The following RNF220 variants were observed in gnomAD, a reference collection of about 807,000 sequenced individuals.
RNF220 encodes E3 ubiquitin-protein ligase RNF220.
A neutral mutation model predicts 67.1 loss-of-function variants in RNF220; 7 were observed. The ratio of observed to expected loss-of-function variants is 0.10; its 90% confidence interval spans 0.06 to 0.20. RNF220 has a LOEUF of 0.20. Among genes scored for constraint, RNF220 ranks in the 10% least tolerant of loss-of-function variants. The pLI is 1.00. For synonymous variants in RNF220, 270 were observed against 283.2 expected, an observed-to-expected ratio of 0.95 and a Z score of 0.47; for missense variants, 565 against 740.3, an observed-to-expected ratio of 0.76 and a Z score of 2.75.
intron 2 of RNF220, among the ~76,000 whole-genome samples, chr1:44,488,639 T>A (rs1656560477): frequency 6.6e-6 from 1 of 152,100 alleles, no homozygotes; most frequent in South Asian, 2.1e-4. Context: ...TAGTAAGAAA[T>A]ATGTTTTACA....
At chr1:44,596,874 C>T (rs1208708108) in intron 2 of RNF220, among the ~76,000 whole-genome samples, 1 of 152,238 alleles carries the variant, frequency 6.6e-6, no homozygotes, top group Non-Finnish European at 1.5e-5. Context: ...TGATTGCCCA[C>T]CAGTGTTTGC....
Position 44,645,655 on chromosome 1 carries a change from G to T in RNF220, c.1445+167G>T, listed in dbSNP as rs1379604420. Among the ~76,000 whole-genome samples the T allele has an allele frequency of 6.6e-6, 1 of 152,212 alleles. No individual in the cohort carries two copies. Among genetic ancestry groups the T allele is most frequent in the Non-Finnish European group, 1.5e-5 (1 of 68,040 alleles). ...GTGGAGCCCAGCTGGTGCTAAGCGT[G>T]ACTCTGTGAATTGATCACTGGGCCA... On this transcript the variant is annotated intron_variant, in intron 12 of 14. Coordinates refer to ENST00000361799, the MANE Select transcript of RNF220 (RefSeq NM_018150.4). The surrounding 1 kb of genome is among the most constrained non-coding windows in gnomAD (Gnocchi z 5.0).
In RNF220 at chr1:44,632,509, C is replaced by T. The variant is rs949441295; in HGVS notation, c.949+124C>T. 1.8e-5 allele frequency: 17 copies of T among 952,190 alleles called. No homozygotes were observed. In the African/African-American group the frequency reaches 2.6e-4, roughly 15 times the overall value. 59.0% of individuals were successfully genotyped at this position (952,190 alleles called of 1,614,324 possible). On this transcript the variant is annotated intron_variant, in intron 6 of 14. Coordinates refer to ENST00000361799, the MANE Select transcript of RNF220 (RefSeq NM_018150.4). Reference sequence around the variant, plus strand: ...TGGGGCCCGTTGGCTTCTTCGCAGTCACGGCGCCTGAGTATGTGCAAACCA... The same window carrying T: ...TGGGGCCCGTTGGCTTCTTCGCAGTTACGGCGCCTGAGTATGTGCAAACCA...
intron 2 of RNF220, among the ~76,000 whole-genome samples, chr1:44,551,385 G>C (rs1662620199): frequency 6.7e-6 from 1 of 148,954 alleles, no homozygotes; most frequent in Non-Finnish European, 1.5e-5. Context: ...AAAGTGCTGG[G>C]ATTACAGGCG....
chr1:44,578,699 T>C (rs969744377), intron 2 of RNF220, among the ~76,000 whole-genome samples: 1 of 152,144 alleles, frequency 6.6e-6, no homozygotes, highest in Non-Finnish European at 1.5e-5. Flanking sequence ...ACAACTCTAA[T>C]CACTCCCACA....
intron 2 of RNF220, among the ~76,000 whole-genome samples, chr1:44,613,624 C>G (rs1557438250): frequency 6.6e-6 from 1 of 152,226 alleles, no homozygotes; most frequent in Non-Finnish European, 1.5e-5. Context: ...GCGCAGTAAT[C>G]CCAGCACTTT....
chr1:44,628,309 TGTCA>T (rs149763850), intron 5 of RNF220, among the ~76,000 whole-genome samples: 2,872 of 152,316 alleles, frequency 0.019, 86 homozygotes, highest in African/African-American at 0.066. Flanking sequence ...TCCCCACAAA[TGTCA>T]GTATTTCTTT....
At chr1:44,544,117 G>A (rs1661918113) in intron 2 of RNF220, among the ~76,000 whole-genome samples, 2 of 152,198 alleles carry the variant, frequency 1.3e-5, no homozygotes, top group Admixed American at 6.5e-5. Flanking sequence ...GAGGTCGGGA[G>A]GACCACAGGA....
chr1:44,556,419 T>C (rs1663084305), intron 2 of RNF220, among the ~76,000 whole-genome samples: 1 of 150,722 alleles, frequency 6.6e-6, no homozygotes, highest in African/African-American at 2.5e-5. Context: ...AGTCAATTAA[T>C]GATGACCTGA....
intron 2 of RNF220, among the ~76,000 whole-genome samples, chr1:44,414,554 T>C (rs1648329902): frequency 6.6e-6 from 1 of 152,184 alleles, no homozygotes; most frequent in Non-Finnish European, 1.5e-5. Flanking sequence ...CATTCCCCTC[T>C]GAGTGTCAAA....
At chr1:44,580,945 G>T (rs186076422) in intron 2 of RNF220, among the ~76,000 whole-genome samples, 3 of 152,194 alleles carry the variant, frequency 2.0e-5, no homozygotes, top group Non-Finnish European at 2.9e-5. Flanking sequence ...CCTTGATTTT[G>T]AATAGAGCTT....
intron 2 of RNF220, among the ~76,000 whole-genome samples, chr1:44,460,656 T>C (rs756235727): frequency 3.9e-5 from 6 of 152,202 alleles, no homozygotes; most frequent in Non-Finnish European, 8.8e-5. Context: ...CACTTCTTAC[T>C]TCAGGATCCT....
At chr1:44,509,098 T>A (rs1252524001) in intron 2 of RNF220, among the ~76,000 whole-genome samples, 2 of 152,206 alleles carry the variant, frequency 1.3e-5, no homozygotes, top group Admixed American at 1.3e-4. Flanking sequence ...TTTTGCGTTT[T>A]CCTTTAGCTA....
chr1:44,564,608 A>T (rs1663838639), intron 2 of RNF220, among the ~76,000 whole-genome samples: 1 of 152,044 alleles, frequency 6.6e-6, no homozygotes, highest in African/African-American at 2.4e-5. Flanking sequence ...TACAAAAATT[A>T]CGCAGGCAGT....
At chr1:44,496,824 C>T (rs143336475) in intron 2 of RNF220, among the ~76,000 whole-genome samples, 6 of 152,218 alleles carry the variant, frequency 3.9e-5, no homozygotes, top group African/African-American at 1.4e-4. Flanking sequence ...CAAGCCAGCT[C>T]ACTTGGGGAT....
At chr1:44,640,412 G>T (rs1204619057) in intron 8 of RNF220, among the ~76,000 whole-genome samples, 1 of 152,234 alleles carries the variant, frequency 6.6e-6, no homozygotes, top group Non-Finnish European at 1.5e-5. Flanking sequence ...GTTGGGAGGG[G>T]TGAGGAGAGG....
intron 2 of RNF220, among the ~76,000 whole-genome samples, chr1:44,531,562 T>G (rs564424680): frequency 6.6e-6 from 1 of 152,360 alleles, no homozygotes; most frequent in East Asian, 1.9e-4. Flanking sequence ...TCTCAGCAGC[T>G]AGCACAATGC....
chr1:44,592,486 G>C (rs1413917456), intron 2 of RNF220, among the ~76,000 whole-genome samples: 1 of 152,154 alleles, frequency 6.6e-6, no homozygotes, highest in Non-Finnish European at 1.5e-5. Flanking sequence ...CTGTGCCTGG[G>C]GAAGGGCCAG....
chr1:44,446,847 A>G (rs962327607), intron 2 of RNF220, among the ~76,000 whole-genome samples: 2 of 152,114 alleles, frequency 1.3e-5, no homozygotes, highest in South Asian at 2.1e-4. Flanking sequence ...GTGAGCCACC[A>G]TGCCCAGCTG....
Sources: gnomAD v4.1 joint callset for allele counts (sites outside exome capture counted in the v4.1 genomes callset) on GRCh38, gnomAD v4.1.1 for gene constraint, Gnocchi (gnomAD v3.1) non-coding constraint, MANE v1.5 for transcripts, NCBI Gene and HGNC (gene_info 2026-07-23, HGNC 2026-07-21) for gene names.